Variants in CEMIP observed in about 807,000 individuals in gnomAD.
The protein encoded by CEMIP is cell migration-inducing and hyaluronan-binding protein.
A neutral mutation model predicts 156.9 loss-of-function variants in CEMIP; 105 were observed. That is an observed-to-expected ratio of 0.67 (90% confidence interval 0.57 to 0.79). CEMIP has a LOEUF of 0.79. Among genes scored for constraint, CEMIP ranks in the 30% least tolerant of loss-of-function variants. CEMIP has a pLI of 0.00. For missense variants in CEMIP, 1,457 were observed against 1,769.4 expected (o/e 0.82, Z 3.17); for synonymous variants, 676 against 668.4 (o/e 1.01, Z -0.17).
chr15:80,886,255 G>C (rs530633977), intron 7 of CEMIP, among the ~76,000 whole-genome samples: 1 of 152,126 alleles, frequency 6.6e-6, no homozygotes, highest in Admixed American at 6.6e-5. Flanking sequence ...CCCAAAGAAG[G>C]TGGGGATGGC....
At chr15:80,795,278 C>T (rs996451867) in intron 1 of CEMIP, among the ~76,000 whole-genome samples, 10 of 151,906 alleles carry the variant, frequency 6.6e-5, no homozygotes, top group African/African-American at 2.4e-4. Context: ...TCTGGCTGCT[C>T]TCTGTCTGGG....
intron 29 of CEMIP, chr15:80,948,466 G>C (rs959015991): frequency 6.7e-5 from 26 of 388,636 alleles, no homozygotes; most frequent in East Asian, 4.8e-4. Context: ...GGTTGTCCTA[G>C]GGGCAGCTCA....
At position 80,906,006 on chromosome 15, in the gene CEMIP, C is replaced by G. The variant is rs1167322786; in HGVS notation, c.1412-657C>G. 6.6e-6 allele frequency among the ~76,000 whole-genome samples: 1 copy of G among 152,240 alleles called. No homozygotes were observed. Among genetic ancestry groups the G allele is most frequent in the Non-Finnish European group, 1.5e-5 (1 of 68,038 alleles). ...TCCAATCTGGCTCTTTCTGGAGCCCCAGGCTGTAGATACACACTCTACATG... is the reference window on the plus strand; with the variant it reads ...TCCAATCTGGCTCTTTCTGGAGCCCGAGGCTGTAGATACACACTCTACATG... On this transcript the variant is annotated intron_variant, in intron 12 of 29. Transcript: ENST00000394685. The surrounding 1 kb of genome is among the most constrained non-coding windows in gnomAD (Gnocchi z 4.3).
At chr15:80,807,962 C>T (rs775649719) in intron 1 of CEMIP, among the ~76,000 whole-genome samples, 8 of 152,178 alleles carry the variant, frequency 5.3e-5, no homozygotes, top group Non-Finnish European at 8.8e-5. Flanking sequence ...CTGCTGACAG[C>T]GTCCACTTGA....
In CEMIP at chr15:80,850,209, C is replaced by T. The variant is rs540608699; in HGVS notation, c.-175-23329C>T. ...AGAGGTGTCTTTGGCAGGAGCTGGC[C>T]GGGGAGTGATTCCTAGTCAGGGGTT... On this transcript the variant is annotated intron_variant, in intron 1 of 29. Transcript: ENST00000394685. Among the ~76,000 whole-genome samples the T allele has an allele frequency of 3.9e-5, 6 of 152,108 alleles. No homozygotes were observed. In the South Asian group the frequency reaches 8.3e-4, roughly 21 times the overall value.
intron 1 of CEMIP, among the ~76,000 whole-genome samples, chr15:80,838,176 G>A (rs1310925946): frequency 6.6e-6 from 1 of 152,204 alleles, no homozygotes; most frequent in African/African-American, 2.4e-5. Context: ...CCATCCACAT[G>A]CGTTCCACTC....
At chr15:80,860,106 C>T in intron 1 of CEMIP, among the ~76,000 whole-genome samples, 1 of 152,216 alleles carries the variant, frequency 6.6e-6, no homozygotes, top group Non-Finnish European at 1.5e-5. Flanking sequence ...CGCCTGCTTT[C>T]AAGGCCTCTG....
chr15:80,875,353 C>A (rs138731638), intron 3 of CEMIP, among the ~76,000 whole-genome samples: 20 of 152,136 alleles, frequency 1.3e-4, no homozygotes, highest in African/African-American at 4.8e-4. Flanking sequence ...TTATTTTAAC[C>A]CTCCAGGCAA....
intron 14 of CEMIP, among the ~76,000 whole-genome samples, chr15:80,910,274 G>C (rs1327835466): frequency 6.6e-6 from 1 of 152,204 alleles, no homozygotes. Context: ...CAATGGCTTA[G>C]AGCAGAGTCA....
intron 1 of CEMIP, among the ~76,000 whole-genome samples, chr15:80,795,130 G>A (rs1896185173): frequency 6.6e-6 from 1 of 151,998 alleles, no homozygotes; most frequent in Admixed American, 6.6e-5. Flanking sequence ...GGGGTGAGGG[G>A]GCAGGAAGGG....
At chr15:80,797,540 G>A (rs985500562) in intron 1 of CEMIP, among the ~76,000 whole-genome samples, 8 of 152,236 alleles carry the variant, frequency 5.3e-5, no homozygotes, top group African/African-American at 1.9e-4. Context: ...GGAGGCTAAT[G>A]CATTCCACAC....
chr15:80,903,878 A>G (rs968242164), intron 12 of CEMIP, among the ~76,000 whole-genome samples: 6 of 152,204 alleles, frequency 3.9e-5, no homozygotes, highest in Non-Finnish European at 8.8e-5. Flanking sequence ...TGAGTCACGG[A>G]TGGAAGGAAA....
At chr15:80,872,479 T>TTTTTTTTTTTTTTTTTTTTGA (rs754996702) in intron 1 of CEMIP, among the ~76,000 whole-genome samples, 21 of 149,584 alleles carry the variant, frequency 1.4e-4, no homozygotes, top group African/African-American at 5.1e-4. Context: ...AACTTCTATA[T>TTTTTTTTTTTTTTTTTTTTGA]GAGTAAAAGG....
In CEMIP at chr15:80,932,877, C is replaced by T. The variant is rs1370956830; in HGVS notation, c.2794-368C>T. On this transcript the variant is annotated intron_variant, in intron 22 of 29. Coordinates refer to ENST00000394685, the MANE Select transcript of CEMIP (RefSeq NM_001293298.2). This position sits in a 1 kb window ranked among gnomAD's most constrained non-coding sequence, Gnocchi z 4.5. ...AAGTGTGTGTACCCTTTCTCATACA[C>T]ACATCACCCCCACCTCCCTCTCACA... Among the ~76,000 whole-genome samples the T allele has an allele frequency of 2.6e-5, 4 of 152,174 alleles. No individual in the cohort carries two copies. Among genetic ancestry groups the T allele is most frequent in the Admixed American group, 6.5e-5 (1 of 15,278 alleles).
intron 11 of CEMIP, 107 bp from the exon 12 acceptor site, chr15:80,895,762 C>A: frequency 9.7e-7 from 1 of 1,026,230 alleles, no homozygotes; most frequent in Non-Finnish European, 1.5e-6. Flanking sequence ...TTTGGATAGG[C>A]AAACCTGGCA....
chr15:80,943,100 C>G lies in CEMIP; in HGVS notation c.3855C>G (p.Asp1285Glu), dbSNP rs1372494389. Residue 1285 changes from aspartate (D) to glutamate (E), a missense_variant and splice_region_variant, in exon 28 of 30, where the codon GAC (aspartate) becomes GAG (glutamate). Physicochemically the swap from Asp to Glu is conservative, Grantham distance 45. Around this residue, in one of 5 missense-constraint regions of CEMIP, gnomAD observed 798 missense variants for 980.1 expected, o/e 0.81. Transcript: ENST00000394685. ...TCAACTATGTGGCGACCATCCCTGA[C>G]AAGTGAGTCTGTACCTCTGCTTCTG... ...QLFNYVATIP[D>E]NSIVLMASKG... The G allele has an allele frequency of 3.1e-6, 5 of 1,614,136 alleles. No individual in the cohort carries two copies. In the African/African-American group the frequency reaches 5.3e-5, roughly 17 times the overall value.
intron 15 of CEMIP, 24 bp from the exon 16 acceptor site, chr15:80,921,008 C>T: frequency 6.2e-7 from 1 of 1,611,736 alleles, no homozygotes; most frequent in East Asian, 2.2e-5. Context: ...TATCTGATCT[C>T]AGGTATCTCT....
intron 1 of CEMIP, among the ~76,000 whole-genome samples, chr15:80,831,224 A>C (rs1397796584): frequency 6.6e-6 from 1 of 152,120 alleles, no homozygotes; most frequent in East Asian, 1.9e-4. Flanking sequence ...CTTTCCGTGA[A>C]GGTGTTGAGG....
intron 12 of CEMIP, chr15:80,901,014 A>G (rs1899510436): frequency 2.2e-6 from 1 of 453,100 alleles, no homozygotes; most frequent in South Asian, 1.6e-5. Context: ...TGCATGAATC[A>G]TCTAAAAAAA....
Sources: allele counts gnomAD v4.1 joint callset (sites outside exome capture counted in the v4.1 genomes callset), GRCh38; gene constraint gnomAD v4.1.1; regional missense constraint gnomAD v4.1.1; non-coding constraint Gnocchi (gnomAD v3.1); transcripts MANE v1.5; gene names NCBI Gene and HGNC (gene_info 2026-07-23, HGNC 2026-07-21).